MTOR: variants seen among roughly 807,000 people sequenced by gnomAD.
MTOR encodes mechanistic target of rapamycin kinase.
A neutral mutation model predicts 319.8 loss-of-function variants in MTOR; 70 were observed. That is an observed-to-expected ratio of 0.22 (90% CI 0.18 to 0.27). MTOR has a LOEUF of 0.27. Ranked by LOEUF, MTOR falls within the 10% of genes least tolerant of loss-of-function variation. MTOR has a pLI of 1.00. For synonymous variants in MTOR, 1,183 were observed against 1,211.4 expected, an observed-to-expected ratio of 0.98 and a Z score of 0.49; for missense variants, 1,890 against 3,274.4, an observed-to-expected ratio of 0.58 and a Z score of 10.32.
intron 6 of MTOR, among the ~76,000 whole-genome samples, chr1:11,251,417 T>G (rs1234148229): frequency 6.6e-6 from 1 of 152,192 alleles, no homozygotes; most frequent in East Asian, 1.9e-4. Flanking sequence ...GTGAGCATAC[T>G]CTATTCCCCT....
intron 57 of MTOR, 124 bp from the exon 58 acceptor site, chr1:11,107,624 C>T: frequency 3.1e-6 from 3 of 962,708 alleles, no homozygotes; most frequent in Non-Finnish European, 4.6e-6. Flanking sequence ...AGCTCTCCCA[C>T]AGCTAATTGC....
At chr1:11,220,998 A>AT (rs112822190) in intron 19 of MTOR, among the ~76,000 whole-genome samples, 4,885 of 145,336 alleles carry the variant, frequency 0.034, 201 homozygotes, top group African/African-American at 0.079. Flanking sequence ...ACAAAAGTTA[A>AT]TTTTTTTTTT....
chr1:11,157,490 T>G (rs1644354470), intron 29 of MTOR, among the ~76,000 whole-genome samples, 199 bp from the exon 30 acceptor site: 1 of 152,206 alleles, frequency 6.6e-6, no homozygotes, highest in Non-Finnish European at 1.5e-5. Context: ...ACTGGTTCCT[T>G]GGCACATGGA....
Position 11,212,935 on chromosome 1 carries a change from A to ATTAT in MTOR, c.3286-28_3286-27insATAA. Reference sequence around the variant, plus strand: ...TGCAAAAGGGAGCAAAAGCATGGTGATGAATAGTCAGGTCCCAAGTATCTA... The same window carrying ATTAT: ...TGCAAAAGGGAGCAAAAGCATGGTGATTATTGAATAGTCAGGTCCCAAGTATCTA... On this transcript the variant is annotated intron_variant, in intron 21 of 57. Transcript: ENST00000361445. The surrounding 1 kb of genome is among the most constrained non-coding windows in gnomAD (Gnocchi z 4.1). The ATTAT allele has an allele frequency of 6.4e-7, 1 of 1,572,922 alleles. No homozygotes were observed. Among genetic ancestry groups the ATTAT allele is most frequent in the Non-Finnish European group, 8.8e-7 (1 of 1,142,736 alleles).
At chr1:11,158,038 GTC>G (rs1425465533) in intron 29 of MTOR, among the ~76,000 whole-genome samples, 2 of 152,132 alleles carry the variant, frequency 1.3e-5, no homozygotes, top group Non-Finnish European at 2.9e-5. Context: ...AGAGGGTGTT[GTC>G]CACGTGAGTA....
rs774539121 is a variant in MTOR, at chr1:11,114,303, C to T, written c.7300+15G>A. ...AGCCACTGAGCTCAGCTCCCAGGCA[C>T]TTGATGATACTCACTGTCCATCAGC... is the stretch of plus-strand genomic sequence containing the variant. On this transcript the variant is annotated intron_variant, in intron 53 of 57. Transcript: ENST00000361445. 1.9e-6 allele frequency: 3 copies of T among 1,613,240 alleles called. No homozygotes were observed. In the African/African-American group the frequency reaches 4.0e-5, roughly 22 times the overall value.
chr1:11,251,141 C>T (rs1649614658), intron 6 of MTOR, among the ~76,000 whole-genome samples: 1 of 134,516 alleles, frequency 7.4e-6, no homozygotes, highest in Non-Finnish European at 1.7e-5. Context: ...GCTTCCCACA[C>T]AAAGGCCCTA....
At chr1:11,204,791 T>C in intron 25 of MTOR, 88 bp from the exon 26 acceptor site, 1 of 1,394,106 alleles carries the variant, frequency 7.2e-7, no homozygotes, top group Non-Finnish European at 9.7e-7. Flanking sequence ...TATTCTACTT[T>C]TAGATTTATA....
At chr1:11,125,201 C>T (rs1462797470) in intron 46 of MTOR, among the ~76,000 whole-genome samples, 2 of 152,048 alleles carry the variant, frequency 1.3e-5, no homozygotes, top group Non-Finnish European at 2.9e-5. Flanking sequence ...GGCTGAGTAA[C>T]AATTTCTCAC....
rs147774167 is a variant in MTOR, at chr1:11,247,884, G to A, written c.1051C>T (p.Pro351Ser). ...GLMGFGTSPSPAKSTLVESRC... is the reference protein window; with the variant it reads ...GLMGFGTSPSSAKSTLVESRC... The stretch of plus-strand genomic sequence containing the variant: ...CTCTCCACCAGGGTGGACTTAGCTG[G>A]ACTGGGGGAGGTCCCAAATCCCATG... Residue 351 changes from proline to serine, a missense_variant, in exon 7 of 58, where the codon CCA becomes TCA. Physicochemically the swap from Pro to Ser is moderately conservative, Grantham distance 74. Around this residue, in one of 15 missense-constraint regions of MTOR, gnomAD observed 418 missense variants for 543.1 expected, o/e 0.77. Transcript: ENST00000361445. The A allele has an allele frequency of 4.2e-5, 68 of 1,614,186 alleles. No homozygotes were observed. The highest frequency in any genetic ancestry group is 3.3e-4 in the Middle Eastern group (2 of 6,062).
chr1:11,234,036 A>G, intron 14 of MTOR, 107 bp downstream of exon 14: 1 of 1,526,188 alleles, frequency 6.6e-7, no homozygotes, highest in Non-Finnish European at 9.0e-7. Context: ...GAGCAAAGAA[A>G]TCACCTACTT....
intron 28 of MTOR, chr1:11,193,481 A>T: frequency 9.2e-7 from 1 of 1,087,362 alleles, no homozygotes; most frequent in Non-Finnish European, 1.3e-6. Flanking sequence ...GCACACATCT[A>T]CTGGCTCTGC....
At chr1:11,254,011 G>A in intron 5 of MTOR, 38 bp from the exon 6 acceptor site, 4 of 1,613,826 alleles carry the variant, frequency 2.5e-6, no homozygotes, top group Non-Finnish European at 3.4e-6. Flanking sequence ...TAGAGACAGA[G>A]TACAAACCCA....
chr1:11,235,689 G>C lies in MTOR; in HGVS notation c.2209-1424C>G, dbSNP rs527729840. 2.0e-5 allele frequency among the ~76,000 whole-genome samples: 3 copies of C among 152,162 alleles called. No individual in the cohort carries two copies. The East Asian group carries it at 5.8e-4, about 30-fold the overall frequency. On this transcript the variant is annotated intron_variant, in intron 13 of 57. Transcript: ENST00000361445. ...CCTGATAGCTTAATATCAGCTTTAA[G>C]AAGATTAGAGCCAGCCGGGCGAGGT...
At chr1:11,172,483 C>A (rs566186126) in intron 28 of MTOR, among the ~76,000 whole-genome samples, 1 of 149,204 alleles carries the variant, frequency 6.7e-6, no homozygotes, top group Admixed American at 6.8e-5. Flanking sequence ...TGGCATGAAC[C>A]CGAGAGGTGG....
chr1:11,251,226 C>T (rs1256882843), intron 6 of MTOR, among the ~76,000 whole-genome samples: 1 of 152,172 alleles, frequency 6.6e-6, no homozygotes, highest in Non-Finnish European at 1.5e-5. Context: ...TCACTCTGCT[C>T]AGCCATGGTA....
intron 13 of MTOR, 144 bp from the exon 14 acceptor site, chr1:11,234,409 C>G: frequency 3.1e-6 from 3 of 955,346 alleles, no homozygotes; most frequent in Non-Finnish European, 4.7e-6. Context: ...ACTCAATGAG[C>G]AACAGACTTT....
In MTOR at chr1:11,243,144, G is replaced by A. The variant is rs879770401; in HGVS notation, c.1382C>T (p.Ala461Val). The A allele has an allele frequency of 1.2e-5, 20 of 1,614,018 alleles. No homozygotes were observed. The highest frequency in any genetic ancestry group is 1.6e-4 in the Middle Eastern group (1 of 6,080). The change falls in exon 9 of 58, where the codon GCG (alanine) becomes GTG (valine). Residue 461 changes from alanine (A) to valine (V), a missense_variant. This residue lies in a region of MTOR where 418 missense variants were observed against 543.1 expected (regional missense o/e 0.77). Coordinates refer to ENST00000361445, the MANE Select transcript of MTOR (RefSeq NM_004958.4). ...YLPRVLDIIR[A>V]ALPPKDFAHK... ...GGCGAAGTCCTTTGGGGGCAGGGCC[G>A]CTCGGATGATGTCCAGCACGCGAGG...
In MTOR at chr1:11,257,158, G is replaced by A. The variant is rs922556694; in HGVS notation, c.279C>T (p.Leu93=). 1.2e-6 allele frequency: 2 copies of A among 1,612,262 alleles called. No homozygotes were observed. The highest frequency in any genetic ancestry group is 1.7e-6 in the Non-Finnish European group (2 of 1,179,166). Residue 93 remains leucine, a synonymous_variant, in exon 4 of 58, where the codon CTC becomes CTT. Transcript: ENST00000361445. ...RKGGILAIAS[L]IGVEGGNATR... ...TGGCATTCCCACCTTCCACTCCTAT[G>A]AGGCTAGCTGCAAAAGAGAGGAAGG...
Sources: allele counts gnomAD v4.1 joint callset (sites outside exome capture counted in the v4.1 genomes callset), GRCh38; gene constraint gnomAD v4.1.1; regional missense constraint gnomAD v4.1.1; non-coding constraint Gnocchi (gnomAD v3.1); transcripts MANE v1.5; gene names NCBI Gene and HGNC (gene_info 2026-07-23, HGNC 2026-07-21).